SCUBE2: variants seen among roughly 807,000 people sequenced by gnomAD.
SCUBE2 encodes signal peptide, CUB and EGF-like domain-containing protein 2.
Under a neutral mutation model 125.9 loss-of-function variants are expected in SCUBE2, and 114 were observed. The ratio of observed to expected loss-of-function variants is 0.91; its 90% CI spans 0.78 to 1.06. SCUBE2 has a LOEUF of 1.06. SCUBE2 is among the 50% of genes least tolerant of loss of function. The pLI is 0.00. For missense variants in SCUBE2, 1,255 were observed against 1,301.8 expected (o/e 0.96, Z 0.55); for synonymous variants, 459 against 492.9 (o/e 0.93, Z 0.91).
chr11:9,078,733 A>C (rs1861400398), intron 3 of SCUBE2, among the ~76,000 whole-genome samples: 1 of 152,188 alleles, frequency 6.6e-6, no homozygotes, highest in Admixed American at 6.5e-5. Context: ...AGCAAACCAC[A>C]AATACCTATC....
In SCUBE2 at chr11:9,065,950, T is replaced by G; in HGVS notation, c.791A>C (p.Glu264Ala). The G allele has an allele frequency of 6.2e-7, 1 of 1,614,162 alleles. No homozygotes were observed. Among genetic ancestry groups the G allele is most frequent in the African/African-American group, 1.3e-5 (1 of 75,044 alleles). ...ATCCACCACTGATGTGGTGTTGCTC[T>G]CTGTCACCTCCAGGACAGTGTCCTC... ...EREDTVLEVT[E>A]SNTTSVVDGD... Residue 264 changes from glutamate (E) to alanine (A), a missense_variant, in exon 7 of 23, where the codon GAG (glutamate) becomes GCG (alanine). Glu to Ala is a moderately radical substitution (Grantham distance 107, BLOSUM62 -1). Coordinates refer to ENST00000649792, the MANE Select transcript of SCUBE2 (RefSeq NM_001367977.2).
At chr11:9,053,472 C>G (rs981173528) in intron 11 of SCUBE2, among the ~76,000 whole-genome samples, 165 bp downstream of exon 11, 1 of 152,218 alleles carries the variant, frequency 6.6e-6, no homozygotes, top group African/African-American at 2.4e-5. Flanking sequence ...ACCAAAGATC[C>G]GGCAAAGTAT....
In SCUBE2 at chr11:9,091,241, G is replaced by A. The variant is rs1444762036; in HGVS notation, c.133+155C>T. On this transcript the variant is annotated intron_variant, in intron 1 of 22. Coordinates refer to ENST00000649792, the MANE Select transcript of SCUBE2 (RefSeq NM_001367977.2). This position sits in a 1 kb window ranked among gnomAD's most constrained non-coding sequence, Gnocchi z 8.5. ...GCGGTCGTGGCGCCTTGGCCCGGCC[G>A]GCGGGTGAGGTCCCGGGGGGAGCAG... Among the ~76,000 whole-genome samples, 1 of 152,078 alleles carries A rather than the reference G, an allele frequency of 6.6e-6. No individual in the cohort carries two copies. Among genetic ancestry groups the A allele is most frequent in the Non-Finnish European group, 1.5e-5 (1 of 67,986 alleles).
chr11:9,074,748 T>A (rs1372971127), intron 3 of SCUBE2, 133 bp from the exon 4 acceptor site: 2 of 1,071,288 alleles, frequency 1.9e-6, no homozygotes, highest in Non-Finnish European at 2.7e-6. Context: ...GCTTTCAGAA[T>A]CAAAGCCGGT....
intron 13 of SCUBE2, among the ~76,000 whole-genome samples, chr11:9,051,288 C>A (rs1858387662): frequency 6.6e-6 from 1 of 151,722 alleles, no homozygotes; most frequent in African/African-American, 2.4e-5. Flanking sequence ...AACTGAGGGT[C>A]AAAAATAGCC....
chr11:9,088,817 C>T (rs936964419), intron 2 of SCUBE2, among the ~76,000 whole-genome samples: 3 of 152,200 alleles, frequency 2.0e-5, no homozygotes, highest in African/African-American at 7.2e-5. Flanking sequence ...AGAAGGACAG[C>T]AGCAGGCTGA....
At position 9,030,787 on chromosome 11, in the gene SCUBE2, G is replaced by T; in HGVS notation, c.2312C>A (p.Ala771Asp). The change falls in exon 18 of 23, where the codon GCT becomes GAT. Residue 771 changes from alanine (A) to aspartate (D), a missense_variant. Physicochemically the swap from Ala to Asp is moderately radical, Grantham distance 126. Around this residue, in one of 3 missense-constraint regions of SCUBE2, gnomAD observed 515 missense variants for 515.7 expected, o/e 1.00. Coordinates refer to ENST00000649792, the MANE Select transcript of SCUBE2 (RefSeq NM_001367977.2). The stretch of plus-strand genomic sequence containing the variant: ...GGTTTCACAGTCCTGAAAGGAAGTA[G>T]CTCCCTGATGTTTGGTGGCAAGGCC... ...GGGLATKHQGATSFQDCETRV... is the reference protein window; with the variant it reads ...GGGLATKHQGDTSFQDCETRV... 1 of 1,614,098 alleles carries T rather than the reference G, an allele frequency of 6.2e-7. No individual in the cohort carries two copies. The highest frequency in any genetic ancestry group is 1.1e-5 in the South Asian group (1 of 91,046).
intron 17 of SCUBE2, among the ~76,000 whole-genome samples, chr11:9,033,047 A>C (rs1278317734): frequency 6.6e-6 from 1 of 152,184 alleles, no homozygotes; most frequent in Non-Finnish European, 1.5e-5. Context: ...TGGAGCCCAC[A>C]GAGTGTCAAT....
At chr11:9,085,038 C>T (rs941213564) in intron 2 of SCUBE2, among the ~76,000 whole-genome samples, 2 of 152,180 alleles carry the variant, frequency 1.3e-5, no homozygotes, top group Non-Finnish European at 2.9e-5. Context: ...TGAGCCACTG[C>T]ACCTGGCCTC....
intron 6 of SCUBE2, among the ~76,000 whole-genome samples, 188 bp downstream of exon 6, chr11:9,066,509 C>A (rs1364895475): frequency 6.6e-6 from 1 of 152,204 alleles, no homozygotes; most frequent in Non-Finnish European, 1.5e-5. Flanking sequence ...CAAGGTCACA[C>A]AGGGAGAGAG....
chr11:9,072,694 G>C (rs1486700123), intron 4 of SCUBE2, among the ~76,000 whole-genome samples: 1 of 152,182 alleles, frequency 6.6e-6, no homozygotes, highest in African/African-American at 2.4e-5. Flanking sequence ...AAGCAATCAG[G>C]TTGAAACACA....
At chr11:9,029,548 A>G (rs918325064) in intron 19 of SCUBE2, among the ~76,000 whole-genome samples, 2 of 152,234 alleles carry the variant, frequency 1.3e-5, no homozygotes, top group Non-Finnish European at 2.9e-5. Context: ...CCTAATATCA[A>G]CCAAGTCCCA....
At position 9,030,764 on chromosome 11, in the gene SCUBE2, T is replaced by C. The variant is rs1181097781; in HGVS notation, c.2335A>G (p.Thr779Ala). The C allele has an allele frequency of 4.3e-6, 7 of 1,613,306 alleles. No individual in the cohort carries two copies. The highest frequency in any genetic ancestry group is 1.7e-4 in the Middle Eastern group (1 of 6,054). ...CAAGCTGCCAAGTACTCACCTCTGGTTTCACAGTCCTGAAAGGAAGTAGCT... is the reference window on the plus strand; with the variant it reads ...CAAGCTGCCAAGTACTCACCTCTGGCTTCACAGTCCTGAAAGGAAGTAGCT... ...QGATSFQDCE[T>A]RVQCSPGHFY... Residue 779 changes from threonine (T) to alanine (A), a missense_variant, in exon 18 of 23, where the codon ACC (threonine) becomes GCC (alanine). Coordinates refer to ENST00000649792, the MANE Select transcript of SCUBE2 (RefSeq NM_001367977.2).
At position 9,021,063 on chromosome 11, in the gene SCUBE2, A is replaced by G. The variant is rs1241150009; in HGVS notation, c.3069T>C (p.Phe1023=). 6.2e-7 allele frequency: 1 copy of G among 1,613,388 alleles called. No homozygotes were observed. Among genetic ancestry groups the G allele is most frequent in the Non-Finnish European group, 8.5e-7 (1 of 1,179,764 alleles). The change falls in exon 23 of 23, where the codon TTT becomes TTC. Residue 1023 remains phenylalanine (F), a synonymous_variant. Coordinates refer to ENST00000649792, the MANE Select transcript of SCUBE2 (RefSeq NM_001367977.2). ...IRLLRSKVSR[F]LRPYK Reference sequence around the variant, plus strand: ...GGCTGAGTCATTTGTAAGGTCTCAAAAACCTGGACACTTTGGAACGTAGCA... The same window carrying G: ...GGCTGAGTCATTTGTAAGGTCTCAAGAACCTGGACACTTTGGAACGTAGCA...
chr11:9,058,839 G>A (rs1261088342), intron 9 of SCUBE2, among the ~76,000 whole-genome samples: 1 of 151,914 alleles, frequency 6.6e-6, no homozygotes, highest in African/African-American at 2.4e-5. Context: ...ATAAGAAAGA[G>A]ACCAATTGGT....
intron 7 of SCUBE2, among the ~76,000 whole-genome samples, chr11:9,060,819 G>A (rs1859607393): frequency 6.6e-6 from 1 of 152,208 alleles, no homozygotes; most frequent in Non-Finnish European, 1.5e-5. Flanking sequence ...CTGATCTGCA[G>A]CCAGCAACCT....
intron 2 of SCUBE2, among the ~76,000 whole-genome samples, chr11:9,088,415 A>G (rs979878054): frequency 1.3e-5 from 2 of 151,904 alleles, no homozygotes; most frequent in African/African-American, 4.8e-5. Context: ...TTGGTCTCAC[A>G]CTCCTGGCCG....
At chr11:9,059,932 G>A (rs1342210377) in intron 8 of SCUBE2, among the ~76,000 whole-genome samples, 1 of 152,092 alleles carries the variant, frequency 6.6e-6, no homozygotes, top group Admixed American at 6.5e-5. Context: ...CATGCTAAAG[G>A]GCTAATCCTT....
intron 2 of SCUBE2, among the ~76,000 whole-genome samples, chr11:9,081,531 T>G (rs1861638560): frequency 6.6e-6 from 1 of 152,164 alleles, no homozygotes; most frequent in South Asian, 2.1e-4. Context: ...GATTTCCTTT[T>G]TTAAGGCTAA....
Sources: gnomAD v4.1 joint callset for allele counts (sites outside exome capture counted in the v4.1 genomes callset) on GRCh38, gnomAD v4.1.1 for gene constraint, gnomAD v4.1.1 regional missense constraint, Gnocchi (gnomAD v3.1) non-coding constraint, MANE v1.5 for transcripts, NCBI Gene and HGNC (gene_info 2026-07-23, HGNC 2026-07-21) for gene names.